The following PRR16 variants were observed in gnomAD, a reference collection of about 807,000 sequenced individuals.
The protein encoded by PRR16 is proline rich 16.
In PRR16, 6 loss-of-function variants were observed where a neutral mutation model predicts 18.2. The observed-to-expected ratio is 0.33, with a 90% CI of 0.18 to 0.65. The LOEUF (loss-of-function observed/expected upper bound fraction) is 0.65. Among genes scored for constraint, PRR16 ranks in the 30% least tolerant of loss-of-function variants. The pLI is 0.74. For synonymous variants in PRR16, 151 were observed against 147.8 expected, an observed-to-expected ratio of 1.02 and a Z score of -0.16; for missense variants, 412 against 376.6, an observed-to-expected ratio of 1.09 and a Z score of -0.78.
chr5:120,707,290 A>G, the PRR16 span, among the ~76,000 whole-genome samples: 4 of 152,264 alleles, frequency 2.6e-5, no homozygotes, highest in Admixed American at 2.6e-4. Flanking sequence ...GATGGAGTAG[A>G]GACGTGACCA....
chr5:120,759,723 A>G, the PRR16 span, among the ~76,000 whole-genome samples: 83 of 152,318 alleles, frequency 5.4e-4, no homozygotes, highest in Non-Finnish European at 1.1e-3. Context: ...GGAATTCATA[A>G]TAACAGAATC....
At chr5:120,722,751 T>G in the PRR16 span, among the ~76,000 whole-genome samples, 7 of 152,012 alleles carry the variant, frequency 4.6e-5, no homozygotes, top group Admixed American at 4.6e-4. Context: ...CTCTACCACA[T>G]ACTGCTGTGA....
At chr5:120,640,976 A>G (rs533397693) in intron 1 of PRR16, among the ~76,000 whole-genome samples, 7 of 152,216 alleles carry the variant, frequency 4.6e-5, no homozygotes, top group South Asian at 2.1e-4. Context: ...AGAAATATCC[A>G]TTGCCCAAAA....
At chr5:120,794,153 A>T in the PRR16 span, among the ~76,000 whole-genome samples, 3 of 152,148 alleles carry the variant, frequency 2.0e-5, no homozygotes, top group Non-Finnish European at 2.9e-5. Context: ...ATTTACTTGC[A>T]CTGCCAAAAC....
chr5:120,533,758 A>G (rs1365617573), intron 1 of PRR16, among the ~76,000 whole-genome samples: 2 of 152,214 alleles, frequency 1.3e-5, no homozygotes, highest in African/African-American at 4.8e-5. Flanking sequence ...GGCTGTTGCA[A>G]TCCTTGCAAA....
At chr5:120,468,481 A>G (rs1026829423) in intron 1 of PRR16, among the ~76,000 whole-genome samples, 1 of 152,194 alleles carries the variant, frequency 6.6e-6, no homozygotes, top group African/African-American at 2.4e-5. Flanking sequence ...GAAAAAAAAG[A>G]AGAAAATAGT....
intron 1 of PRR16, among the ~76,000 whole-genome samples, chr5:120,586,200 T>G (rs1422913756): frequency 6.6e-6 from 1 of 151,796 alleles, no homozygotes; most frequent in African/African-American, 2.4e-5. Flanking sequence ...TTTTGATTGA[T>G]GAACACAACA....
At chr5:120,472,411 A>G (rs1019700687) in intron 1 of PRR16, among the ~76,000 whole-genome samples, 1 of 152,136 alleles carries the variant, frequency 6.6e-6, no homozygotes, top group Non-Finnish European at 1.5e-5. Flanking sequence ...GCCTTCTAGC[A>G]TCAGTGGTTC....
rs1359688668 is a variant in PRR16, at chr5:120,520,233, A to G, written c.159+55588A>G. Among the ~76,000 whole-genome samples, 7 of 152,198 alleles carry G rather than the reference A, an allele frequency of 4.6e-5. No individual in the cohort carries two copies. The East Asian group carries it at 1.2e-3, about 25-fold the overall frequency. On this transcript the variant is annotated intron_variant, in intron 1 of 1. Transcript: ENST00000407149. The stretch of plus-strand genomic sequence containing the variant: ...CACATAGTGAAACCTTGTATCCACT[A>G]AAAATACAAAAATTAGCCAGGCATG...
At chr5:120,774,160 A>G in the PRR16 span, among the ~76,000 whole-genome samples, 1 of 152,140 alleles carries the variant, frequency 6.6e-6, no homozygotes, top group Non-Finnish European at 1.5e-5. Flanking sequence ...TTTTCTAAAC[A>G]AGAGGAAAGC....
At chr5:120,790,908 A>G in the PRR16 span, 1 of 152,194 alleles carries the variant, frequency 6.6e-6, no homozygotes, top group Non-Finnish European at 1.5e-5. Context: ...ATTTAAAAAC[A>G]TCTACAGAAT....
intron 1 of PRR16, among the ~76,000 whole-genome samples, chr5:120,477,698 T>C (rs1749486678): frequency 6.6e-6 from 1 of 152,226 alleles, no homozygotes; most frequent in African/African-American, 2.4e-5. Flanking sequence ...GAGCACTTAC[T>C]GTAGCTTTGA....
At chr5:120,788,027 A>G in the PRR16 span, among the ~76,000 whole-genome samples, 1 of 151,844 alleles carries the variant, frequency 6.6e-6, no homozygotes, top group Non-Finnish European at 1.5e-5. Flanking sequence ...CCCTTATTTC[A>G]TAACTAGTAA....
chr5:120,572,684 G>A (rs190505472), intron 1 of PRR16, among the ~76,000 whole-genome samples: 52 of 152,208 alleles, frequency 3.4e-4, no homozygotes, highest in Non-Finnish European at 6.9e-4. Flanking sequence ...TCTACTTACT[G>A]TGCCAAATGA....
intron 1 of PRR16, among the ~76,000 whole-genome samples, chr5:120,613,681 T>C (rs1166391424): frequency 6.6e-6 from 1 of 152,188 alleles, no homozygotes; most frequent in East Asian, 1.9e-4. Context: ...AGCATACTTA[T>C]ATTCTAGTAC....
At position 120,592,008 on chromosome 5, in the gene PRR16, T is replaced by G. The variant is rs79187605; in HGVS notation, c.160-93946T>G. 4.6e-3 allele frequency among the ~76,000 whole-genome samples: 701 copies of G among 152,260 alleles called. 6 individuals are homozygous for G. The highest frequency in any genetic ancestry group is 0.016 in the African/African-American group (675 of 41,568). ...AGCCCAGGATTGCTGTTATAGTCTT[T>G]ATTTATTATGCAGTACAACAGCTTG... On this transcript the variant is annotated intron_variant, in intron 1 of 1. Coordinates refer to ENST00000407149, the MANE Select transcript of PRR16 (RefSeq NM_001300783.2).
intron 1 of PRR16, among the ~76,000 whole-genome samples, chr5:120,488,611 A>T (rs1406774018): frequency 6.6e-6 from 1 of 152,016 alleles, no homozygotes; most frequent in Non-Finnish European, 1.5e-5. Context: ...TCCTGGATTC[A>T]TTGATTTTTT....
intron 1 of PRR16, among the ~76,000 whole-genome samples, chr5:120,582,334 G>A (rs1315479183): frequency 6.6e-6 from 1 of 151,990 alleles, no homozygotes; most frequent in African/African-American, 2.4e-5. Context: ...AGGGTTGGAG[G>A]AATATTTATT....
At chr5:120,532,022 C>G (rs1229914125) in intron 1 of PRR16, among the ~76,000 whole-genome samples, 1 of 152,060 alleles carries the variant, frequency 6.6e-6, no homozygotes, top group Non-Finnish European at 1.5e-5. Context: ...TATGTTTGGG[C>G]TCTCTTCTCA....
Sources: gnomAD v4.1 joint callset for allele counts (sites outside exome capture counted in the v4.1 genomes callset) on GRCh38, gnomAD v4.1.1 for gene constraint, MANE v1.5 for transcripts, NCBI Gene and HGNC (gene_info 2026-07-23, HGNC 2026-07-21) for gene names.